LDAF1: variants seen among roughly 807,000 people sequenced by gnomAD.
LDAF1 encodes lipid droplet assembly factor 1, also known as PROMETHIN.
LDAF1 carries 7 observed loss-of-function variants against 13.5 expected under a neutral mutation model. The observed-to-expected ratio is 0.52, with a 90% CI of 0.29 to 0.97. The LOEUF is 0.97. Among genes scored for constraint, LDAF1 ranks in the 50% least tolerant of loss-of-function variants. The pLI is 0.07. For synonymous variants in LDAF1, 69 were observed against 77.1 expected, an observed-to-expected ratio of 0.89 and a Z score of 0.55; for missense variants, 148 against 193.2, an observed-to-expected ratio of 0.77 and a Z score of 1.39.
chr16:21,177,721 A>C (rs2093152299), intron 4 of LDAF1, among the ~76,000 whole-genome samples: 1 of 148,870 alleles, frequency 6.7e-6, no homozygotes, highest in Admixed American at 6.9e-5. Flanking sequence ...GGGTTCAAGC[A>C]GTTCTTCTGT....
chr16:21,161,231 CAGA>C lies in LDAF1; in HGVS notation c.55_57del (p.Lys19del), dbSNP rs1187639964. 1.2e-6 allele frequency: 2 copies of C among 1,614,210 alleles called. No individual in the cohort carries two copies. Among genetic ancestry groups the C allele is most frequent in the Non-Finnish European group, 1.7e-6 (2 of 1,180,042 alleles). On this transcript the variant is annotated inframe_deletion, in exon 2 of 5. Coordinates refer to ENST00000233047, the MANE Select transcript of LDAF1 (RefSeq NM_001301771.2). ...TATCTCAAGGGACTTGCAGGAACTG[CAGA>C]AGAAGCTGTCTCTGCTGATAGACTC...
chr16:21,161,793 TATG>T (rs2092977466), intron 2 of LDAF1, among the ~76,000 whole-genome samples: 1 of 152,136 alleles, frequency 6.6e-6, no homozygotes, highest in Admixed American at 6.5e-5. Context: ...CCGATAGAAA[TATG>T]ATGTGAGTCA....
chr16:21,166,605 C>T (rs1317188022), intron 2 of LDAF1, among the ~76,000 whole-genome samples: 1 of 152,240 alleles, frequency 6.6e-6, no homozygotes, highest in Non-Finnish European at 1.5e-5. Context: ...ACAGCCCTTC[C>T]CTCGCTGGCG....
At chr16:21,165,555 A>C (rs1597537392) in intron 2 of LDAF1, 1 of 977,770 alleles carries the variant, frequency 1.0e-6, no homozygotes, top group African/African-American at 1.8e-5. Context: ...ATACCCATCT[A>C]CCCCTCCCCC....
At chr16:21,159,682 G>A (rs1039417586) in intron 1 of LDAF1, among the ~76,000 whole-genome samples, 2 of 152,200 alleles carry the variant, frequency 1.3e-5, no homozygotes, top group Admixed American at 1.3e-4. Flanking sequence ...AGGCCCCTCC[G>A]AGGAGTGAGT....
intron 1 of LDAF1, chr16:21,159,890 G>A (rs145990159): frequency 1.0e-6 from 1 of 984,346 alleles, no homozygotes; most frequent in East Asian, 1.1e-4. Context: ...GGAACTGAGT[G>A]CTGGGAACAT....
intron 1 of LDAF1, among the ~76,000 whole-genome samples, chr16:21,160,599 T>C (rs2092960659): frequency 6.6e-6 from 1 of 152,242 alleles, no homozygotes; most frequent in Non-Finnish European, 1.5e-5. Context: ...TTTGAAATAG[T>C]GTGTTCAGCT....
intron 4 of LDAF1, chr16:21,178,536 C>A: frequency 3.2e-6 from 1 of 312,462 alleles, no homozygotes; most frequent in Non-Finnish European, 4.7e-6. Context: ...AGTGTGGTAT[C>A]AACATACCAG....
chr16:21,173,370 C>T (rs931136725), intron 3 of LDAF1: 1 of 152,442 alleles, frequency 6.6e-6, no homozygotes, highest in Non-Finnish European at 1.5e-5. Flanking sequence ...GGAAGTCCAT[C>T]TCTGACCTTG....
intron 3 of LDAF1, chr16:21,172,922 C>G: frequency 6.7e-6 from 5 of 748,496 alleles, no homozygotes; most frequent in Non-Finnish European, 8.2e-6. Flanking sequence ...TAACTGGCCA[C>G]TCACAAAGCA....
intron 2 of LDAF1, among the ~76,000 whole-genome samples, chr16:21,166,088 C>T (rs142912383): frequency 6.6e-6 from 1 of 152,180 alleles, no homozygotes; most frequent in African/African-American, 2.4e-5. Flanking sequence ...TCTTAAGCTC[C>T]AGATCTTAAG....
intron 1 of LDAF1, among the ~76,000 whole-genome samples, chr16:21,159,100 G>C (rs567306401): frequency 6.6e-6 from 1 of 151,864 alleles, no homozygotes; most frequent in African/African-American, 2.4e-5. Context: ...GGGGAACCTG[G>C]GGAAGACGTC....
At chr16:21,177,612 G>A (rs2093150442) in intron 4 of LDAF1, among the ~76,000 whole-genome samples, 1 of 148,690 alleles carries the variant, frequency 6.7e-6, no homozygotes, top group African/African-American at 2.5e-5. Context: ...CCTTGCATTA[G>A]CGAATTCTTT....
At chr16:21,166,821 G>C in intron 2 of LDAF1, 1 of 1,535,258 alleles carries the variant, frequency 6.5e-7, no homozygotes, top group Non-Finnish European at 8.7e-7. Context: ...CGGCTCCTCC[G>C]CCTCTCTTTC....
chr16:21,165,024 G>A (rs1013937108), intron 2 of LDAF1, among the ~76,000 whole-genome samples: 8 of 152,200 alleles, frequency 5.3e-5, no homozygotes, highest in African/African-American at 4.8e-5. Context: ...TGGTTGAATC[G>A]TGTCCTCCCC....
intron 2 of LDAF1, among the ~76,000 whole-genome samples, chr16:21,168,691 TTA>T (rs1463219426): frequency 7.5e-6 from 1 of 134,118 alleles, no homozygotes; most frequent in Non-Finnish European, 1.5e-5. Context: ...TACATTACAA[TTA>T]TATTTTTATA....
chr16:21,167,888 C>T (rs1403807151), intron 2 of LDAF1, among the ~76,000 whole-genome samples: 1 of 149,738 alleles, frequency 6.7e-6, no homozygotes, highest in South Asian at 2.1e-4. Flanking sequence ...CGCCCGTAAT[C>T]CCAGCTACTC....
At chr16:21,160,198 A>G (rs973654392) in intron 1 of LDAF1, among the ~76,000 whole-genome samples, 27 of 151,960 alleles carry the variant, frequency 1.8e-4, no homozygotes, top group African/African-American at 6.5e-4. Context: ...GTCAGTTTAA[A>G]GGGAGAAATG....
At chr16:21,165,567 T>A in intron 2 of LDAF1, 1 of 983,390 alleles carries the variant, frequency 1.0e-6, no homozygotes, top group Non-Finnish European at 1.2e-6. Context: ...CCCTCCCCCT[T>A]CTCTTCCCTC....
Sources: allele counts gnomAD v4.1 joint callset (sites outside exome capture counted in the v4.1 genomes callset), GRCh38; gene constraint gnomAD v4.1.1; transcripts MANE v1.5; gene names NCBI Gene and HGNC (gene_info 2026-07-23, HGNC 2026-07-21).